Variants in MYH15 observed in about 807,000 individuals in gnomAD.
The protein encoded by MYH15 is myosin heavy chain 15.
In MYH15, 227 loss-of-function variants were observed where a neutral mutation model predicts 240.5. The ratio of observed to expected loss-of-function variants is 0.94; its 90% CI spans 0.85 to 1.05. The LOEUF is 1.05. MYH15 is among the 50% of genes least tolerant of loss of function. The pLI, the probability that MYH15 is intolerant of heterozygous loss-of-function variation, is 0.00. For missense variants in MYH15, 2,217 were observed against 2,247.5 expected (o/e 0.99, Z 0.27); for synonymous variants, 785 against 796.7 (o/e 0.99, Z 0.25).
chr3:108,456,403 C>A (rs1280793920), intron 19 of MYH15, among the ~76,000 whole-genome samples: 2 of 152,186 alleles, frequency 1.3e-5, no homozygotes, highest in Non-Finnish European at 2.9e-5. Flanking sequence ...TGCTGGCTTC[C>A]TTCCTTTCAG....
chr3:108,505,689 A>C (rs774944292), intron 2 of MYH15, 34 bp downstream of exon 2: 1 of 1,215,582 alleles, frequency 8.2e-7, no homozygotes, highest in South Asian at 1.3e-5. Flanking sequence ...TAGAGAACAT[A>C]GTCATCACTG....
intron 25 of MYH15, among the ~76,000 whole-genome samples, chr3:108,434,549 TATATTA>T (rs1225234052): frequency 9.2e-6 from 1 of 109,090 alleles, no homozygotes; most frequent in African/African-American, 3.7e-5. Context: ...AGCTAATTAT[TATATTA>T]ATAACATATT....
intron 27 of MYH15, 67 bp downstream of exon 27, chr3:108,428,425 C>T: frequency 6.6e-7 from 1 of 1,514,324 alleles, no homozygotes; most frequent in Non-Finnish European, 8.9e-7. Context: ...TTTTCCCTCC[C>T]CTCCCATTTC....
chr3:108,440,892 C>A, intron 23 of MYH15, 126 bp downstream of exon 23: 1 of 1,145,662 alleles, frequency 8.7e-7, no homozygotes. Flanking sequence ...TTCTGACTCT[C>A]AATGCTGTAA....
chr3:108,508,054 A>G (rs986080446), intron 1 of MYH15, among the ~76,000 whole-genome samples: 1 of 152,184 alleles, frequency 6.6e-6, no homozygotes, highest in Non-Finnish European at 1.5e-5. Flanking sequence ...AGAGTTGCCC[A>G]TAGTCACATA....
chr3:108,435,507 A>C (rs2082823443), intron 25 of MYH15, among the ~76,000 whole-genome samples: 1 of 151,886 alleles, frequency 6.6e-6, no homozygotes, highest in Admixed American at 6.6e-5. Flanking sequence ...TTTTCTATGA[A>C]TTTGTTTCTA....
At chr3:108,529,987 T>G (rs997165464), upstream of MYH15, among the ~76,000 whole-genome samples, 5 of 152,114 alleles carry the variant, frequency 3.3e-5, no homozygotes, top group African/African-American at 1.2e-4. Flanking sequence ...TAGTGATCTG[T>G]GCATGTGTAT....
intron 25 of MYH15, among the ~76,000 whole-genome samples, chr3:108,433,051 G>A (rs2082793703): frequency 6.6e-6 from 1 of 152,200 alleles, no homozygotes; most frequent in Admixed American, 6.5e-5. Context: ...TGGAAAAGCT[G>A]CAGACATTCA....
chr3:108,542,477 CT>C, the MYH15 span, among the ~76,000 whole-genome samples: 7 of 152,142 alleles, frequency 4.6e-5, no homozygotes, highest in Non-Finnish European at 1.0e-4. Flanking sequence ...TGTGTGCAGC[CT>C]TTTCAGACTG....
At chr3:108,479,556 T>G (rs77947195) in intron 11 of MYH15, among the ~76,000 whole-genome samples, 2,775 of 152,312 alleles carry the variant, frequency 0.018, 42 homozygotes, top group Admixed American at 0.031. Context: ...CAAATACTGA[T>G]GCCTGAAATT....
At chr3:108,465,979 T>C (rs1378565904) in intron 14 of MYH15, among the ~76,000 whole-genome samples, 1 of 152,148 alleles carries the variant, frequency 6.6e-6, no homozygotes, top group East Asian at 1.9e-4. Context: ...TGACCTCCAT[T>C]AGCACACTTT....
rs1168740023 is a variant in MYH15 at position 108,437,186 on chromosome 3, T to G, written c.3221+368A>C. 1.9e-4 allele frequency among the ~76,000 whole-genome samples: 4 copies of G among 21,130 alleles called. No homozygotes were observed. In the East Asian group the frequency reaches 0.5, roughly 2,641 times the overall value. The allele number at this position is 21,130 out of a possible 152,430, so 13.9% of individuals were successfully genotyped here. On this transcript the variant is annotated intron_variant, in intron 25 of 40. Coordinates refer to ENST00000693548, the MANE Select transcript of MYH15 (RefSeq NM_014981.3). The stretch of plus-strand genomic sequence containing the variant: ...ATGTAAGTCTTCACATCAGGATCAA[T>G]TTTTTTTTTTTTTTTTACATTTTAT...
intron 27 of MYH15, among the ~76,000 whole-genome samples, chr3:108,426,714 G>C (rs1438746151): frequency 6.6e-6 from 1 of 152,138 alleles, no homozygotes; most frequent in Non-Finnish European, 1.5e-5. Flanking sequence ...TGTGAGGGCA[G>C]AGCTGCCCCC....
intron 18 of MYH15, among the ~76,000 whole-genome samples, chr3:108,457,299 G>T (rs554573145): frequency 6.6e-6 from 1 of 152,206 alleles, no homozygotes; most frequent in South Asian, 2.1e-4. Flanking sequence ...GAAGGGATAA[G>T]AACAAGGAAG....
chr3:108,504,882 AC>A (rs1225441149), intron 2 of MYH15, among the ~76,000 whole-genome samples: 1 of 152,138 alleles, frequency 6.6e-6, no homozygotes, highest in Non-Finnish European at 1.5e-5. Flanking sequence ...TCTAGCTTGT[AC>A]CCCAACACTT....
intron 19 of MYH15, 100 bp from the exon 20 acceptor site, chr3:108,455,959 T>C: frequency 8.6e-7 from 1 of 1,164,024 alleles, no homozygotes; most frequent in Non-Finnish European, 1.2e-6. Flanking sequence ...TAGATTTTTA[T>C]CTCTGTTACT....
At chr3:108,482,926 G>C (rs1198267799) in intron 11 of MYH15, among the ~76,000 whole-genome samples, 2 of 152,260 alleles carry the variant, frequency 1.3e-5, no homozygotes, top group East Asian at 1.9e-4. Context: ...CAGGCATGGT[G>C]TTTCAGGCCT....
At chr3:108,507,588 CATTTGCCCCTTCTTCCACCAT>C in intron 1 of MYH15, among the ~76,000 whole-genome samples, 1 of 152,212 alleles carries the variant, frequency 6.6e-6, no homozygotes, top group Non-Finnish European at 1.5e-5. Flanking sequence ...AGTTGGGCAC[CATTTGCCCCTTCTTCCACCAT>C]GCTTGTTTCT....
At chr3:108,550,936 T>C in the MYH15 span, 2 of 309,854 alleles carry the variant, frequency 6.5e-6, no homozygotes, top group Non-Finnish European at 1.2e-5. Flanking sequence ...CCTTAAGCCA[T>C]AAAAGCCAGA....
Sources: allele counts gnomAD v4.1 joint callset (sites outside exome capture counted in the v4.1 genomes callset), GRCh38; gene constraint gnomAD v4.1.1; transcripts MANE v1.5; gene names NCBI Gene and HGNC (gene_info 2026-07-23, HGNC 2026-07-21).